Variants in GALNTL6 observed in about 807,000 individuals in gnomAD.
The protein encoded by GALNTL6 is polypeptide N-acetylgalactosaminyltransferase like 6.
A neutral mutation model predicts 73.7 loss-of-function variants in GALNTL6; 46 were observed. The ratio of observed to expected loss-of-function variants is 0.62; its 90% CI spans 0.49 to 0.80. The LOEUF (loss-of-function observed/expected upper bound fraction) is 0.80. GALNTL6 is among the 30% of genes least tolerant of loss of function. GALNTL6 has a pLI of 0.00. For synonymous variants in GALNTL6, 259 were observed against 263.7 expected (o/e 0.98, Z 0.17); for missense variants, 604 against 755.0 (o/e 0.80, Z 2.34).
chr4:172,690,305 G>GA (rs1364559711), intron 5 of GALNTL6, among the ~76,000 whole-genome samples: 3 of 151,764 alleles, frequency 2.0e-5, no homozygotes, highest in African/African-American at 4.8e-5. Flanking sequence ...ATACCTTCCA[G>GA]AAAAAAAATT....
At chr4:171,972,209 A>G (rs1739593065) in intron 2 of GALNTL6, among the ~76,000 whole-genome samples, 1 of 152,120 alleles carries the variant, frequency 6.6e-6, no homozygotes, top group South Asian at 2.1e-4. Flanking sequence ...ATGTTCATAC[A>G]TATATATGTG....
At chr4:172,312,973 A>G (rs1291700193) in intron 4 of GALNTL6, among the ~76,000 whole-genome samples, 2 of 152,176 alleles carry the variant, frequency 1.3e-5, no homozygotes, top group Non-Finnish European at 2.9e-5. Context: ...ACCTGAAATT[A>G]TCTACAGTAA....
intron 2 of GALNTL6, among the ~76,000 whole-genome samples, chr4:171,941,808 A>G (rs1009566613): frequency 2.0e-5 from 3 of 152,224 alleles, no homozygotes; most frequent in Admixed American, 6.5e-5. Context: ...AAATTCACAA[A>G]GAGGTATATG....
intron 8 of GALNTL6, among the ~76,000 whole-genome samples, chr4:172,889,071 G>A (rs537633376): frequency 5.9e-5 from 9 of 151,996 alleles, no homozygotes; most frequent in Non-Finnish European, 1.2e-4. Flanking sequence ...GAATGTTATC[G>A]GTGTATAAAA....
At chr4:173,016,637 A>T (rs994792640) in intron 11 of GALNTL6, among the ~76,000 whole-genome samples, 1 of 152,210 alleles carries the variant, frequency 6.6e-6, no homozygotes, top group South Asian at 2.1e-4. Flanking sequence ...CCCACATTGT[A>T]TCTAGGAATA....
At chr4:172,079,275 T>C (rs555794612) in intron 2 of GALNTL6, among the ~76,000 whole-genome samples, 1 of 152,202 alleles carries the variant, frequency 6.6e-6, no homozygotes, top group South Asian at 2.1e-4. Flanking sequence ...TAAAATATAT[T>C]ATAGATAATG....
Position 172,506,201 on chromosome 4 carries a change from A to G in GALNTL6, c.553+157512A>G, listed in dbSNP as rs540273552. Among the ~76,000 whole-genome samples, 44 of 54,348 alleles carry G rather than the reference A, an allele frequency of 8.1e-4. 18 individuals are homozygous for G. Among genetic ancestry groups the G allele is most frequent in the African/African-American group, 1.9e-3 (42 of 21,716 alleles). The allele number at this position is 54,348 out of a possible 152,430, so 35.7% of individuals were successfully genotyped here. A position where few individuals can be genotyped will look rare whatever the true frequency, so the allele number is the denominator to read the frequency against. On this transcript the variant is annotated intron_variant, in intron 5 of 12. Transcript: ENST00000506823. The stretch of plus-strand genomic sequence containing the variant: ...TTCATTCAGCACCTGCATACCAGTG[A>G]AACTACTGATGTCAGCTGATATGAA...
chr4:172,978,457 G>A (rs1271395639), intron 10 of GALNTL6, among the ~76,000 whole-genome samples: 20 of 152,080 alleles, frequency 1.3e-4, no homozygotes. Context: ...TCCTAATTGT[G>A]CACAATGACT....
intron 5 of GALNTL6, among the ~76,000 whole-genome samples, chr4:172,543,679 CT>C (rs1437517145): frequency 2.6e-5 from 4 of 152,160 alleles, no homozygotes; most frequent in Non-Finnish European, 4.4e-5. Flanking sequence ...TCAAGGGAGT[CT>C]CTTTTCTTCA....
intron 2 of GALNTL6, among the ~76,000 whole-genome samples, chr4:172,000,197 A>C (rs1334587812): frequency 1.3e-5 from 2 of 152,190 alleles, no homozygotes; most frequent in East Asian, 1.9e-4. Flanking sequence ...TTAAATGCTC[A>C]ATGATTATAT....
chr4:171,895,295 G>C (rs1476721473), intron 2 of GALNTL6, among the ~76,000 whole-genome samples: 3 of 152,204 alleles, frequency 2.0e-5, no homozygotes, highest in Non-Finnish European at 4.4e-5. Flanking sequence ...AGCAGTCATA[G>C]ATGAGCAGAA....
intron 2 of GALNTL6, among the ~76,000 whole-genome samples, chr4:171,846,006 G>T (rs1735358352): frequency 6.6e-6 from 1 of 152,074 alleles, no homozygotes; most frequent in Admixed American, 6.6e-5. Flanking sequence ...AGTATACTTT[G>T]AGTTTGCTTT....
intron 2 of GALNTL6, among the ~76,000 whole-genome samples, chr4:172,161,174 A>C (rs556541488): frequency 1.3e-5 from 2 of 152,006 alleles, no homozygotes; most frequent in Admixed American, 6.6e-5. Flanking sequence ...CAAATTGAGA[A>C]TAGATGAAAA....
chr4:172,023,150 C>A (rs1400164086), intron 2 of GALNTL6, among the ~76,000 whole-genome samples: 1 of 151,820 alleles, frequency 6.6e-6, no homozygotes, highest in East Asian at 1.9e-4. Flanking sequence ...CTCTGAGTGG[C>A]TTGCACCAAT....
chr4:172,718,528 C>T lies in GALNTL6; in HGVS notation c.554-90833C>T, dbSNP rs368997281. Reference sequence around the variant, plus strand: ...TGGTGTGTGTCTGTGGTCCCAGCTACTTAGGAGGCTGAGGCAGGAGGATCA... The same window carrying T: ...TGGTGTGTGTCTGTGGTCCCAGCTATTTAGGAGGCTGAGGCAGGAGGATCA... On this transcript the variant is annotated intron_variant, in intron 5 of 12. Coordinates refer to ENST00000506823, the MANE Select transcript of GALNTL6 (RefSeq NM_001034845.3). 2.6e-5 allele frequency among the ~76,000 whole-genome samples: 4 copies of T among 151,822 alleles called. No homozygotes were observed. The East Asian group carries it at 7.7e-4, about 29-fold the overall frequency.
intron 5 of GALNTL6, among the ~76,000 whole-genome samples, chr4:172,543,029 G>A (rs747080591): frequency 2.0e-5 from 3 of 150,452 alleles, no homozygotes; most frequent in East Asian, 2.0e-4. Flanking sequence ...CCCGGGAGGC[G>A]GAGGTTGCAG....
At chr4:172,190,180 G>A (rs1735531613) in intron 2 of GALNTL6, among the ~76,000 whole-genome samples, 1 of 152,010 alleles carries the variant, frequency 6.6e-6, no homozygotes, top group Admixed American at 6.6e-5. Flanking sequence ...CCCCATTATA[G>A]CCACATTTCT....
intron 7 of GALNTL6, among the ~76,000 whole-genome samples, chr4:172,846,991 T>A (rs557041508): frequency 6.6e-6 from 1 of 152,312 alleles, no homozygotes; most frequent in South Asian, 2.1e-4. Flanking sequence ...TTTGTCTCTC[T>A]GCATTGTTCC....
chr4:172,763,555 G>A (rs1448143931), intron 5 of GALNTL6, among the ~76,000 whole-genome samples: 4 of 152,156 alleles, frequency 2.6e-5, no homozygotes, highest in African/African-American at 9.7e-5. Flanking sequence ...GAACTAAGTA[G>A]ACGAATAATT....
Sources: gnomAD v4.1 joint callset for allele counts (sites outside exome capture counted in the v4.1 genomes callset) on GRCh38, gnomAD v4.1.1 for gene constraint, MANE v1.5 for transcripts, NCBI Gene and HGNC (gene_info 2026-07-23, HGNC 2026-07-21) for gene names.